Variants in DHRSX observed in about 807,000 individuals in gnomAD.
DHRSX encodes the protein polyprenol dehydrogenase.
In DHRSX, 31 loss-of-function variants were observed where a neutral mutation model predicts 34.0. That is an observed-to-expected ratio of 0.91 (90% CI 0.69 to 1.23). The LOEUF is 1.23. DHRSX is among the 50% of genes most tolerant of loss of function. DHRSX has a pLI of 0.00. For synonymous variants in DHRSX, 201 were observed against 183.8 expected, an observed-to-expected ratio of 1.09 and a Z score of -0.76; for missense variants, 414 against 428.1, an observed-to-expected ratio of 0.97 and a Z score of 0.29.
chrX:2,274,091 G>A (rs1366905143), intron 4 of DHRSX, among the ~76,000 whole-genome samples: 1 of 152,130 alleles, frequency 6.6e-6, no homozygotes, highest in Non-Finnish European at 1.5e-5. Flanking sequence ...AGACTGGAGT[G>A]CAGTGTTGTG....
chrX:2,496,445 C>A (rs760262267), intron 1 of DHRSX, among the ~76,000 whole-genome samples: 1 of 152,094 alleles, frequency 6.6e-6, no homozygotes, highest in East Asian at 1.9e-4. Context: ...GCAATCCACC[C>A]GCCTCAGCCT....
At position 2,455,521 on chromosome X, in the gene DHRSX, C is replaced by T. The variant is rs189800673; in HGVS notation, c.110-30217G>A. On this transcript the variant is annotated intron_variant, in intron 1 of 6. Coordinates refer to ENST00000334651, the MANE Select transcript of DHRSX (RefSeq NM_145177.3). Reference sequence around the variant, plus strand: ...CTTTGGGAGGGCAAGGCGGGTGGATCACTTGAGGCCAGGAGTTCGAGACCA... The same window carrying T: ...CTTTGGGAGGGCAAGGCGGGTGGATTACTTGAGGCCAGGAGTTCGAGACCA... 3.7e-3 allele frequency among the ~76,000 whole-genome samples: 563 copies of T among 152,030 alleles called. 3 individuals are homozygous for T. The highest frequency in any genetic ancestry group is 0.013 in the African/African-American group (527 of 41,498).
intron 3 of DHRSX, among the ~76,000 whole-genome samples, chrX:2,360,093 T>G (rs1446732276): frequency 2.0e-5 from 3 of 152,076 alleles, no homozygotes; most frequent in Non-Finnish European, 4.4e-5. Context: ...TATGGAAGTT[T>G]GAACTATAAG....
intron 3 of DHRSX, among the ~76,000 whole-genome samples, chrX:2,398,353 G>A (rs1477922779): frequency 2.0e-5 from 3 of 152,074 alleles, no homozygotes; most frequent in Non-Finnish European, 4.4e-5. Context: ...TAAATATTAG[G>A]GAAATATGAG....
At chrX:2,251,641 G>C (rs1193024333) in intron 5 of DHRSX, among the ~76,000 whole-genome samples, 1 of 152,182 alleles carries the variant, frequency 6.6e-6, no homozygotes, top group Non-Finnish European at 1.5e-5. Flanking sequence ...AACTGCTGGA[G>C]AGTGTACCCT....
chrX:2,241,635 G>A (rs924190644), intron 6 of DHRSX, among the ~76,000 whole-genome samples: 7 of 151,998 alleles, frequency 4.6e-5, no homozygotes, highest in African/African-American at 1.2e-4. Flanking sequence ...GAGGCCAGGC[G>A]CAGTGGCTCA....
At chrX:2,393,631 C>T (rs1166895421) in intron 3 of DHRSX, among the ~76,000 whole-genome samples, 1 of 150,734 alleles carries the variant, frequency 6.6e-6, no homozygotes, top group East Asian at 2.0e-4. Context: ...GTCTCCTGCA[C>T]ACACGACACA....
chrX:2,461,452 G>A (rs1357811099), intron 1 of DHRSX, among the ~76,000 whole-genome samples: 1 of 152,150 alleles, frequency 6.6e-6, no homozygotes, highest in Non-Finnish European at 1.5e-5. Flanking sequence ...CTAAGATAAC[G>A]CACAACCTAC....
chrX:2,283,715 T>C (rs1466317018), intron 4 of DHRSX, among the ~76,000 whole-genome samples: 1 of 152,238 alleles, frequency 6.6e-6, no homozygotes, highest in Non-Finnish European at 1.5e-5. Flanking sequence ...CTGTGCCCAT[T>C]TGCTCATTTG....
intron 1 of DHRSX, among the ~76,000 whole-genome samples, chrX:2,491,562 C>T (rs2045146631): frequency 6.6e-6 from 1 of 152,342 alleles, no homozygotes; most frequent in East Asian, 1.9e-4. Context: ...GAGCTTCATT[C>T]ACTGCATTAA....
At chrX:2,498,386 T>C (rs2045331622) in intron 1 of DHRSX, among the ~76,000 whole-genome samples, 1 of 152,062 alleles carries the variant, frequency 6.6e-6, no homozygotes, top group African/African-American at 2.4e-5. Context: ...AAAAATGCCG[T>C]TTAGGAAGCT....
chrX:2,291,896 A>ATTTTTTTTTT lies in DHRSX; in HGVS notation c.287-303_287-294dup, dbSNP rs928376249. Among the ~76,000 whole-genome samples, 24 of 96,094 alleles carry ATTTTTTTTTT rather than the reference A, an allele frequency of 2.5e-4. 1 individual carries two copies. The highest frequency in any genetic ancestry group is 5.8e-4 in the African/African-American group (15 of 25,880). The allele number at this position is 96,094 out of a possible 152,430, so 63.0% of individuals were successfully genotyped here. ...GCCCAGCTAATTTTTGTATTTTTGT[A>ATTTTTTTTTT]TTTTTTTTTTTTTTTTTTTTTTTAG... On this transcript the variant is annotated intron_variant, in intron 3 of 6. Transcript: ENST00000334651.
intron 3 of DHRSX, among the ~76,000 whole-genome samples, chrX:2,382,690 T>C (rs1603031057): frequency 1.2e-5 from 1 of 86,170 alleles, no homozygotes; most frequent in Admixed American, 1.2e-4. Flanking sequence ...ATCACCATCA[T>C]CACCATCATC....
chrX:2,362,595 G>C (rs1022190316), intron 3 of DHRSX, among the ~76,000 whole-genome samples: 12 of 152,180 alleles, frequency 7.9e-5, no homozygotes, highest in African/African-American at 2.7e-4. Flanking sequence ...CACCATGCCT[G>C]GCCAGGTCTG....
chrX:2,500,372 G>A, intron 1 of DHRSX: 1 of 172,194 alleles, frequency 5.8e-6, no homozygotes, highest in South Asian at 1.2e-4. Flanking sequence ...GGGCCTGGCG[G>A]GGGCGCGCGG....
Position 2,408,687 on chromosome X carries a change from C to T in DHRSX, c.286+58G>A, listed in dbSNP as rs182783923. ...GAAGCTCAGCCATGAACCACGCAAA[C>T]GACCTGTCCCAAGGAAAAAAAAAAA... On this transcript the variant is annotated intron_variant, in intron 3 of 6. Transcript: ENST00000334651. 3,336 of 1,486,950 alleles carry T rather than the reference C, an allele frequency of 2.2e-3. 7 individuals carry two copies. The highest frequency in any genetic ancestry group is 2.8e-3 in the Non-Finnish European group (3,067 of 1,091,038). 92.1% of individuals were successfully genotyped at this position (1,486,950 alleles called of 1,614,324 possible).
chrX:2,404,435 A>G (rs1336246846), intron 3 of DHRSX, among the ~76,000 whole-genome samples: 1 of 152,226 alleles, frequency 6.6e-6, no homozygotes, highest in Non-Finnish European at 1.5e-5. Flanking sequence ...TTAAAAATGT[A>G]TAAGCAAAAA....
rs764532203 is a variant in DHRSX, at chrX:2,248,863, C to T, written c.597-5633G>A. On this transcript the variant is annotated intron_variant, in intron 5 of 6. Coordinates refer to ENST00000334651, the MANE Select transcript of DHRSX (RefSeq NM_145177.3). ...TCCAATCCTATTCCTACACGGATTT[C>T]GTTCAGACGTCGTTGAACCTAAGCA... Among the ~76,000 whole-genome samples, 6 of 152,296 alleles carry T rather than the reference C, an allele frequency of 3.9e-5. No individual in the cohort carries two copies. The South Asian group carries it at 1.2e-3, about 32-fold the overall frequency.
intron 1 of DHRSX, among the ~76,000 whole-genome samples, chrX:2,459,127 G>A (rs1378630729): frequency 6.6e-6 from 1 of 152,030 alleles, no homozygotes; most frequent in Non-Finnish European, 1.5e-5. Context: ...GATAGAGGGT[G>A]AGACTGTCTC....
Sources: allele counts gnomAD v4.1 joint callset (sites outside exome capture counted in the v4.1 genomes callset), GRCh38; gene constraint gnomAD v4.1.1; transcripts MANE v1.5; gene names NCBI Gene and HGNC (gene_info 2026-07-23, HGNC 2026-07-21).